Variants in NAALADL2 observed in about 807,000 individuals in gnomAD.
NAALADL2 encodes inactive N-acetylated-alpha-linked acidic dipeptidase-like protein 2.
Under a neutral mutation model 87.2 loss-of-function variants are expected in NAALADL2, and 76 were observed. The observed-to-expected ratio is 0.87, with a 90% CI of 0.72 to 1.05. The LOEUF (loss-of-function observed/expected upper bound fraction) is 1.05, where lower values mean the gene tolerates loss of function less well. NAALADL2 is among the 50% of genes least tolerant of loss of function. The pLI, the probability that NAALADL2 is intolerant of heterozygous loss-of-function variation, is 0.00. For synonymous variants in NAALADL2, 354 were observed against 331.0 expected (o/e 1.07, Z -0.75); for missense variants, 1,089 against 945.8 (o/e 1.15, Z -1.99).
intron 11 of NAALADL2, among the ~76,000 whole-genome samples, chr3:175,725,030 AC>A (rs1742743847): frequency 6.6e-6 from 1 of 152,118 alleles, no homozygotes; most frequent in Non-Finnish European, 1.5e-5. Flanking sequence ...CTTTGTCCTT[AC>A]TAAAGCACTG....
At chr3:175,141,685 G>A (rs781064412) in intron 2 of NAALADL2, among the ~76,000 whole-genome samples, 2 of 152,098 alleles carry the variant, frequency 1.3e-5, no homozygotes, top group Non-Finnish European at 2.9e-5. Flanking sequence ...TATACAGATT[G>A]ATCTGAGACT....
chr3:175,097,829 C>T (rs1721420240), intron 2 of NAALADL2, among the ~76,000 whole-genome samples: 1 of 152,068 alleles, frequency 6.6e-6, no homozygotes, highest in Admixed American at 6.6e-5. Flanking sequence ...AAGTGAAGAA[C>T]TAGATATGCA....
intron 1 of NAALADL2, among the ~76,000 whole-genome samples, chr3:175,056,007 G>C (rs932346730): frequency 6.6e-6 from 1 of 152,258 alleles, no homozygotes. Flanking sequence ...GGACTGCCAA[G>C]CCTCTATATC....
intron 12 of NAALADL2, among the ~76,000 whole-genome samples, chr3:175,748,223 C>G (rs1244339331): frequency 6.6e-6 from 1 of 151,962 alleles, no homozygotes; most frequent in South Asian, 2.1e-4. Flanking sequence ...TTTTCACTAC[C>G]TGAGTTGTTT....
intron 3 of NAALADL2, among the ~76,000 whole-genome samples, chr3:174,853,258 G>A (rs1579210872): frequency 7.1e-6 from 1 of 140,600 alleles, no homozygotes; most frequent in African/African-American, 2.6e-5. Flanking sequence ...CGCACCTGTA[G>A]TCCCAGCTAC....
intron 2 of NAALADL2, among the ~76,000 whole-genome samples, chr3:175,113,374 A>G (rs1446077948): frequency 2.6e-5 from 4 of 151,576 alleles, no homozygotes; most frequent in Admixed American, 6.6e-5. Flanking sequence ...GAGGCACAGT[A>G]CACAAAACTG....
At chr3:175,696,717 A>T (rs1737842584) in intron 11 of NAALADL2, among the ~76,000 whole-genome samples, 1 of 152,150 alleles carries the variant, frequency 6.6e-6, no homozygotes, top group Non-Finnish European at 1.5e-5. Flanking sequence ...TTCTGCTGCT[A>T]TGATAGAATA....
intron 1 of NAALADL2, among the ~76,000 whole-genome samples, chr3:174,531,515 A>C (rs1024399260): frequency 6.6e-6 from 1 of 152,194 alleles, no homozygotes; most frequent in Admixed American, 6.5e-5. Flanking sequence ...AGAATTTATC[A>C]GGAGCAAAGT....
intron 11 of NAALADL2, among the ~76,000 whole-genome samples, chr3:175,672,613 G>A (rs1014361344): frequency 6.6e-6 from 1 of 152,170 alleles, no homozygotes; most frequent in Non-Finnish European, 1.5e-5. Flanking sequence ...GAAGCAGCCA[G>A]TTAGGGGTCA....
chr3:174,882,126 T>C (rs1039164560), intron 1 of NAALADL2, among the ~76,000 whole-genome samples: 3 of 152,122 alleles, frequency 2.0e-5, no homozygotes, highest in African/African-American at 7.2e-5. Flanking sequence ...ATATTCCACT[T>C]ACGTTAAGTA....
At chr3:175,239,593 G>T (rs1198396527) in intron 3 of NAALADL2, among the ~76,000 whole-genome samples, 1 of 151,992 alleles carries the variant, frequency 6.6e-6, no homozygotes, top group Admixed American at 6.6e-5. Flanking sequence ...TTTTCATTCT[G>T]TAAAGCTTCA....
intron 1 of NAALADL2, among the ~76,000 whole-genome samples, chr3:175,025,652 G>A (rs1560489819): frequency 6.6e-6 from 1 of 152,068 alleles, no homozygotes; most frequent in African/African-American, 2.4e-5. Context: ...TGAACATAGA[G>A]GACATAAGTT....
intron 2 of NAALADL2, among the ~76,000 whole-genome samples, chr3:174,644,452 G>A (rs145797569): frequency 5.3e-5 from 8 of 150,250 alleles, no homozygotes; most frequent in African/African-American, 1.9e-4. Context: ...TAAGGAGGAA[G>A]AGGAAGAGGA....
At chr3:175,007,082 T>C (rs1749132446) in intron 1 of NAALADL2, among the ~76,000 whole-genome samples, 1 of 147,920 alleles carries the variant, frequency 6.8e-6, no homozygotes, top group Non-Finnish European at 1.5e-5. Flanking sequence ...GAATGCAAAT[T>C]AAACATTCTG....
intron 4 of NAALADL2, among the ~76,000 whole-genome samples, chr3:175,290,534 A>C (rs993080069): frequency 1.3e-5 from 2 of 152,178 alleles, no homozygotes; most frequent in African/African-American, 4.8e-5. Context: ...TGGTGGTTAC[A>C]TGGGCATATA....
intron 2 of NAALADL2, among the ~76,000 whole-genome samples, chr3:174,660,539 C>T (rs1035051072): frequency 3.3e-5 from 5 of 152,000 alleles, no homozygotes; most frequent in Non-Finnish European, 7.4e-5. Flanking sequence ...AAAGATCTCG[C>T]GTCCCGTTTT....
chr3:175,177,953 G>A (rs1350813), intron 2 of NAALADL2, among the ~76,000 whole-genome samples: 127,151 of 151,942 alleles, frequency 0.84, 53,484 homozygotes, highest in East Asian at 0.93. Flanking sequence ...TGAATACATT[G>A]AAAACTATAT....
rs1244344718 is a variant in NAALADL2 at position 175,097,213 on chromosome 3, C to A, written c.467C>A (p.Ser156Tyr). ...VHTNCPSDAPSSGTVDPQLYQ... is the reference protein window; with the variant it reads ...VHTNCPSDAPYSGTVDPQLYQ... ...ACAAATTGCCCTTCAGATGCTCCAT[C>A]TTCAGGAACAGTTGATCCTCAGTTA... The change falls in exon 2 of 14, where the codon TCT becomes TAT. Residue 156 changes from serine (S) to tyrosine (Y), a missense_variant. Ser to Tyr is a moderately radical substitution (Grantham distance 144). Coordinates refer to ENST00000454872, the MANE Select transcript of NAALADL2 (RefSeq NM_207015.3). The A allele has an allele frequency of 1.2e-6, 2 of 1,612,930 alleles. No individual in the cohort carries two copies. The highest frequency in any genetic ancestry group is 1.3e-5 in the African/African-American group (1 of 74,874).
intron 1 of NAALADL2, among the ~76,000 whole-genome samples, chr3:174,541,659 A>G (rs1515582): frequency 0.12 from 18,820 of 152,154 alleles, 2,159 homozygotes; most frequent in East Asian, 0.48. Context: ...TCATTGTGAA[A>G]TGTAGAATTC....
Sources: gnomAD v4.1 joint callset for allele counts (sites outside exome capture counted in the v4.1 genomes callset) on GRCh38, gnomAD v4.1.1 for gene constraint, MANE v1.5 for transcripts, NCBI Gene and HGNC (gene_info 2026-07-23, HGNC 2026-07-21) for gene names.